Variants in TAFA5 observed in about 807,000 individuals in gnomAD.
TAFA5 encodes the protein TAFA chemokine like family member 5.
Under a neutral mutation model 15.3 loss-of-function variants are expected in TAFA5, and 6 were observed. That is an observed-to-expected ratio of 0.39 (90% CI 0.21 to 0.77). The LOEUF (loss-of-function observed/expected upper bound fraction) is 0.77, where lower values mean the gene tolerates loss of function less well. TAFA5 is among the 30% of genes least tolerant of loss of function. The pLI is 0.41. For missense variants in TAFA5, 161 were observed against 193.1 expected (o/e 0.83, Z 0.98); for synonymous variants, 103 against 80.7 (o/e 1.28, Z -1.48).
intron 1 of TAFA5, among the ~76,000 whole-genome samples, chr22:48,570,525 G>A (rs1182862025): frequency 1.3e-5 from 2 of 152,210 alleles, no homozygotes; most frequent in Non-Finnish European, 2.9e-5. Context: ...CCCTGATCAC[G>A]AATACATTTT....
At chr22:48,542,243 CATATGTGTGTGT>C (rs1307678621) in intron 1 of TAFA5, among the ~76,000 whole-genome samples, 1 of 95,294 alleles carries the variant, frequency 1.0e-5, no homozygotes, top group South Asian at 3.5e-4. Flanking sequence ...TGTGTGTGTG[CATATGTGTGTGT>C]ATGTGTGTGT....
At chr22:48,642,123 G>C (rs1926705636) in intron 1 of TAFA5, among the ~76,000 whole-genome samples, 1 of 152,060 alleles carries the variant, frequency 6.6e-6, no homozygotes, top group African/African-American at 2.4e-5. Context: ...GCTTTGCTGA[G>C]TGGGGCAGCC....
Position 48,738,569 on chromosome 22 carries a change from T to TGAGGAGTGATTGCACCACAGC in TAFA5, c.391-11269_391-11249dup, listed in dbSNP as rs576651975. On this transcript the variant is annotated intron_variant, in intron 3 of 3. Transcript: ENST00000402357. ...CTCCAGGACCCTCTACTCACCCCAG[T>TGAGGAGTGATTGCACCACAGC]GAGGAGTGATTGCACCACAGCCTCC... is the stretch of plus-strand genomic sequence containing the variant. 2.0e-3 allele frequency among the ~76,000 whole-genome samples: 298 copies of TGAGGAGTGATTGCACCACAGC among 152,290 alleles called. 2 individuals carry two copies. The highest frequency in any genetic ancestry group is 6.4e-3 in the African/African-American group (265 of 41,564).
intron 1 of TAFA5, among the ~76,000 whole-genome samples, chr22:48,638,758 GC>G (rs1926560628): frequency 6.3e-5 from 7 of 110,422 alleles, no homozygotes; most frequent in Non-Finnish European, 8.3e-5. Context: ...CCACACACAG[GC>G]GGGACCCCCC....
chr22:48,643,221 C>T (rs746344321), intron 1 of TAFA5, among the ~76,000 whole-genome samples: 5 of 152,352 alleles, frequency 3.3e-5, no homozygotes, highest in Non-Finnish European at 7.3e-5. Context: ...AGAACGTGTA[C>T]CGTTCAGGCT....
chr22:48,740,343 G>T (rs1296674932), intron 3 of TAFA5, among the ~76,000 whole-genome samples: 1 of 152,226 alleles, frequency 6.6e-6, no homozygotes, highest in Non-Finnish European at 1.5e-5. Flanking sequence ...CCCCGCATTG[G>T]CTGCGTGGCT....
chr22:48,641,918 C>CA lies in TAFA5; in HGVS notation c.113-4672dup, dbSNP rs1926694480. Among the ~76,000 whole-genome samples, 3 of 152,130 alleles carry CA rather than the reference C, an allele frequency of 2.0e-5. No individual in the cohort carries two copies. The South Asian group carries it at 6.2e-4, about 32-fold the overall frequency. ...GCAATGCAAACTCCTTATTTAAAAA[C>CA]AAAAAAAGATGAGAGAAAAGACAGA... On this transcript the variant is annotated intron_variant, in intron 1 of 3. Transcript: ENST00000402357.
Position 48,655,830 on chromosome 22 carries a change from C to CTTTTTTT in TAFA5, c.262+9105_262+9111dup, listed in dbSNP as rs1197219539. Among the ~76,000 whole-genome samples, 52 of 62,400 alleles carry CTTTTTTT rather than the reference C, an allele frequency of 8.3e-4. 12 individuals are homozygous for CTTTTTTT. In the East Asian group the frequency reaches 0.015, roughly 18 times the overall value. The allele number at this position is 62,400 out of a possible 152,430, so 40.9% of individuals were successfully genotyped here. A position where few individuals can be genotyped will look rare whatever the true frequency, so the allele number is the denominator to read the frequency against. On this transcript the variant is annotated intron_variant, in intron 2 of 3. Transcript: ENST00000402357. ...GGCTTCCTGAAGCCAAACACTGATT[C>CTTTTTTT]TTTTTTTTTTTTTTTTTTTTTTTTT...
chr22:48,499,925 G>T (rs1264875194), intron 1 of TAFA5, among the ~76,000 whole-genome samples: 1 of 152,166 alleles, frequency 6.6e-6, no homozygotes, highest in Non-Finnish European at 1.5e-5. Context: ...ACACACCCGT[G>T]AGTCTGCCTG....
At chr22:48,621,798 GC>G (rs1925847631) in intron 1 of TAFA5, among the ~76,000 whole-genome samples, 1 of 152,136 alleles carries the variant, frequency 6.6e-6, no homozygotes, top group Non-Finnish European at 1.5e-5. Flanking sequence ...GGTGGCCGAG[GC>G]CCTGTGATGC....
intron 2 of TAFA5, among the ~76,000 whole-genome samples, chr22:48,672,235 G>C (rs891149086): frequency 7.2e-5 from 11 of 152,220 alleles, no homozygotes; most frequent in Non-Finnish European, 1.2e-4. Flanking sequence ...AAGTTGGTTT[G>C]TGGGAATCAT....
At chr22:48,749,804 A>G (rs756869269) in intron 3 of TAFA5, 35 bp from the exon 4 acceptor site, 1 of 1,559,656 alleles carries the variant, frequency 6.4e-7, no homozygotes, top group Non-Finnish European at 8.7e-7. Context: ...CAGCGTCTGC[A>G]GGAGGCTCAC....
intron 3 of TAFA5, among the ~76,000 whole-genome samples, chr22:48,730,451 G>A (rs1439791862): frequency 1.3e-5 from 2 of 152,110 alleles, no homozygotes; most frequent in African/African-American, 4.8e-5. Flanking sequence ...CAACAAAAGT[G>A]CGTCTTGCTA....
chr22:48,622,732 C>T (rs996283639), intron 1 of TAFA5, among the ~76,000 whole-genome samples: 2 of 152,214 alleles, frequency 1.3e-5, no homozygotes, highest in Non-Finnish European at 1.5e-5. Context: ...GGTATCGATG[C>T]GGGACAGCCC....
chr22:48,683,773 G>C (rs1250130376), intron 2 of TAFA5, among the ~76,000 whole-genome samples: 2 of 152,352 alleles, frequency 1.3e-5, no homozygotes, highest in Non-Finnish European at 2.9e-5. Flanking sequence ...CATGTCGAGG[G>C]AGAGAGCTGG....
intron 1 of TAFA5, among the ~76,000 whole-genome samples, chr22:48,502,520 A>AT (rs71677503): frequency 0.011 from 1,432 of 130,690 alleles, 9 homozygotes; most frequent in Non-Finnish European, 0.016. Flanking sequence ...TCTCTTTGGA[A>AT]TTTTTTTTTT....
chr22:48,544,755 C>T (rs756698114), intron 1 of TAFA5: 1 of 471,152 alleles, frequency 2.1e-6, no homozygotes, highest in Middle Eastern at 3.2e-4. Flanking sequence ...GGGAGGCTGA[C>T]TTGGAGAAAT....
intron 1 of TAFA5, among the ~76,000 whole-genome samples, chr22:48,518,974 C>T (rs577279362): frequency 6.6e-5 from 10 of 152,226 alleles, no homozygotes; most frequent in African/African-American, 1.9e-4. Context: ...CAAGAGCTGT[C>T]GGACACCCTG....
At chr22:48,719,760 T>C (rs1929513794) in intron 3 of TAFA5, among the ~76,000 whole-genome samples, 1 of 152,222 alleles carries the variant, frequency 6.6e-6, no homozygotes, top group African/African-American at 2.4e-5. Flanking sequence ...CCATTTTGCG[T>C]TCTTTTGAAT....
Sources: gnomAD v4.1 joint callset for allele counts (sites outside exome capture counted in the v4.1 genomes callset) on GRCh38, gnomAD v4.1.1 for gene constraint, MANE v1.5 for transcripts, NCBI Gene and HGNC (gene_info 2026-07-23, HGNC 2026-07-21) for gene names.